Variants in INPP5F observed in about 807,000 individuals in gnomAD.
INPP5F encodes phosphatidylinositide 4-phosphatase SAC2.
A neutral mutation model predicts 137.2 loss-of-function variants in INPP5F; 97 were observed. That is an observed-to-expected ratio of 0.71 (90% CI 0.60 to 0.84). The LOEUF is 0.84. Ranked by LOEUF, INPP5F falls within the 40% of genes least tolerant of loss-of-function variation. The pLI is 0.00. For synonymous variants in INPP5F, 504 were observed against 476.9 expected (o/e 1.06, Z -0.74); for missense variants, 1,271 against 1,371.9 (o/e 0.93, Z 1.16).
At chr10:119,772,213 T>C (rs11199087) in intron 2 of INPP5F, among the ~76,000 whole-genome samples, 28,501 of 151,744 alleles carry the variant, frequency 0.19, 3,419 homozygotes, top group East Asian at 0.46. Context: ...TTTTTTACTT[T>C]GGGGACATTA....
chr10:119,811,246 C>A (rs899365372), intron 14 of INPP5F, among the ~76,000 whole-genome samples: 5 of 152,030 alleles, frequency 3.3e-5, no homozygotes, highest in Non-Finnish European at 5.9e-5. Context: ...CTGTGTAGGG[C>A]CAGTGGTTGG....
At position 119,820,853 on chromosome 10, in the gene INPP5F, G is replaced by A. The variant is rs770539446; in HGVS notation, c.1894G>A (p.Asp632Asn). The A allele has an allele frequency of 1.2e-6, 2 of 1,608,784 alleles. No homozygotes were observed. The highest frequency in any genetic ancestry group is 1.7e-6 in the Non-Finnish European group (2 of 1,175,342). ...TGTGTCATATTTGTTTAGCCTCATTGATGCTACTCACAGAGACGTGGATGT... is the reference window on the plus strand; with the variant it reads ...TGTGTCATATTTGTTTAGCCTCATTAATGCTACTCACAGAGACGTGGATGT... The part of the protein sequence containing the change: ...ALIDCDPSLI[D>N]ATHRDVDVLL... The change falls in exon 16 of 20, where the codon GAT becomes AAT. Residue 632 changes from aspartate to asparagine, a missense_variant. Around this residue, in one of 6 missense-constraint regions of INPP5F, gnomAD observed 593 missense variants for 712.4 expected, o/e 0.83. Transcript: ENST00000650623.
At chr10:119,775,197 C>G (rs746575244) in intron 2 of INPP5F, among the ~76,000 whole-genome samples, 1 of 152,084 alleles carries the variant, frequency 6.6e-6, no homozygotes, top group Non-Finnish European at 1.5e-5. Flanking sequence ...TTTGATTATA[C>G]TAGAATCTAA....
At chr10:119,794,151 C>G (rs1461903220) in intron 6 of INPP5F, among the ~76,000 whole-genome samples, 4 of 151,920 alleles carry the variant, frequency 2.6e-5, no homozygotes, top group Non-Finnish European at 5.9e-5. Flanking sequence ...TTTTCCTAGG[C>G]AGAGGACCCT....
At chr10:119,779,255 A>G (rs1349322602) in intron 2 of INPP5F, among the ~76,000 whole-genome samples, 1 of 152,182 alleles carries the variant, frequency 6.6e-6, no homozygotes, top group Non-Finnish European at 1.5e-5. Context: ...GGCATTTACT[A>G]TGAATGGAAC....
chr10:119,810,797 G>A (rs111710867), intron 14 of INPP5F, among the ~76,000 whole-genome samples: 109 of 152,318 alleles, frequency 7.2e-4, no homozygotes, highest in African/African-American at 2.4e-3. Context: ...AGATGTTACT[G>A]TATAGGATTA....
Position 119,805,466 on chromosome 10 carries a change from G to C in INPP5F, c.1319+5G>C. ...TCTTGATATGAAGTGGTGTTGGTAA[G>C]TATTTTACAAGAACTCCTTTTTACA... On this transcript the variant is annotated splice_donor_5th_base_variant and intron_variant, in intron 11 of 19. Transcript: ENST00000650623. The C allele has an allele frequency of 6.3e-7, 1 of 1,593,474 alleles. No individual in the cohort carries two copies. Among genetic ancestry groups the C allele is most frequent in the East Asian group, 2.2e-5 (1 of 44,756 alleles).
At chr10:119,797,384 T>G in intron 7 of INPP5F, 77 bp from the exon 8 acceptor site, 1 of 1,148,320 alleles carries the variant, frequency 8.7e-7, no homozygotes, top group Non-Finnish European at 1.2e-6. Flanking sequence ...GACATACATT[T>G]GATTAGGAAG....
rs1458861140 is a variant in INPP5F at position 119,827,854 on chromosome 10, T to C, written c.*74T>C. Reference sequence around the variant, plus strand: ...TTTTCACCTCTTGGGGTATTTTAATTGTACTGTCTGAACCCAGGGATCACA... The same window carrying C: ...TTTTCACCTCTTGGGGTATTTTAATCGTACTGTCTGAACCCAGGGATCACA... On this transcript the variant is annotated 3_prime_UTR_variant, in exon 20 of 20. Coordinates refer to ENST00000650623, the MANE Select transcript of INPP5F (RefSeq NM_014937.4). 5.5e-6 allele frequency: 6 copies of C among 1,088,882 alleles called. No homozygotes were observed. The highest frequency in any genetic ancestry group is 7.9e-6 in the Non-Finnish European group (6 of 755,382). The allele number at this position is 1,088,882 out of a possible 1,614,324, so 67.5% of individuals were successfully genotyped here. A position where few individuals can be genotyped will look rare whatever the true frequency, so the allele number is the denominator to read the frequency against.
intron 1 of INPP5F, among the ~76,000 whole-genome samples, chr10:119,743,206 T>A (rs183865788): frequency 3.2e-4 from 48 of 152,334 alleles, no homozygotes; most frequent in Non-Finnish European, 1.5e-5. Flanking sequence ...TTTGCCACTT[T>A]AAGTAGTAAA....
chr10:119,827,266 G>C lies in INPP5F; in HGVS notation c.2885G>C (p.Arg962Thr). 2 of 1,614,154 alleles carry C rather than the reference G, an allele frequency of 1.2e-6. No homozygotes were observed. The highest frequency in any genetic ancestry group is 1.7e-6 in the Non-Finnish European group (2 of 1,180,038). ...AAGCCTATGGATATTTACTGCCACA[G>C]ATTTGTGCAAGATGCACAGAACAAA... ...FAKPMDIYCH[R>T]FVQDAQNKVT... The change falls in exon 20 of 20, where the codon AGA becomes ACA. Residue 962 changes from arginine to threonine, a missense_variant. Around this residue, in one of 6 missense-constraint regions of INPP5F, gnomAD observed 490 missense variants for 443.7 expected, o/e 1.10. Transcript: ENST00000650623.
chr10:119,805,288 T>G (rs1589735687), intron 10 of INPP5F, 96 bp from the exon 11 acceptor site: 2 of 859,152 alleles, frequency 2.3e-6, no homozygotes, highest in East Asian at 5.3e-5. Context: ...CAATTCTTTT[T>G]AATTTTTCGA....
intron 2 of INPP5F, among the ~76,000 whole-genome samples, chr10:119,774,150 T>G (rs1296884204): frequency 6.6e-6 from 1 of 150,616 alleles, no homozygotes; most frequent in Non-Finnish European, 1.5e-5. Context: ...TAGTCTCAGC[T>G]ACTCGGGAGG....
chr10:119,762,986 TC>T (rs922346261), intron 2 of INPP5F, among the ~76,000 whole-genome samples: 1 of 152,160 alleles, frequency 6.6e-6, no homozygotes, highest in African/African-American at 2.4e-5. Flanking sequence ...TGGGTGAGAC[TC>T]AAGATATGAT....
At chr10:119,793,466 A>T (rs1417673734) in intron 6 of INPP5F, 1 of 152,550 alleles carries the variant, frequency 6.6e-6, no homozygotes, top group Non-Finnish European at 1.5e-5. Flanking sequence ...GTGTTTGGTG[A>T]TGGAAGAAGA....
chr10:119,771,126 A>G (rs1366173627), intron 2 of INPP5F, among the ~76,000 whole-genome samples: 1 of 152,182 alleles, frequency 6.6e-6, no homozygotes, highest in Non-Finnish European at 1.5e-5. Context: ...GCTCCTGGCA[A>G]CCACTAACCT....
intron 15 of INPP5F, chr10:119,816,610 C>T (rs1391429787): frequency 6.6e-6 from 1 of 152,170 alleles, no homozygotes; most frequent in Non-Finnish European, 1.5e-5. Context: ...GCTCTTGGGC[C>T]GAGTTTGCTA....
At chr10:119,799,361 G>A (rs1388484507) in intron 9 of INPP5F, 6 of 431,384 alleles carry the variant, frequency 1.4e-5, no homozygotes, top group Non-Finnish European at 2.8e-5. Flanking sequence ...CAAAAAGATA[G>A]CATGTATATG....
chr10:119,799,367 A>T (rs1375917664), intron 9 of INPP5F: 2 of 416,666 alleles, frequency 4.8e-6, no homozygotes, highest in Non-Finnish European at 9.4e-6. Flanking sequence ...GATAGCATGT[A>T]TATGGAGGAA....
Sources: allele counts gnomAD v4.1 joint callset (sites outside exome capture counted in the v4.1 genomes callset), GRCh38; gene constraint gnomAD v4.1.1; regional missense constraint gnomAD v4.1.1; transcripts MANE v1.5; gene names NCBI Gene and HGNC (gene_info 2026-07-23, HGNC 2026-07-21).